ROR2: variants seen among roughly 807,000 people sequenced by gnomAD.
ROR2 encodes the protein tyrosine-protein kinase transmembrane receptor ROR2.
ROR2 carries 33 observed loss-of-function variants against 74.9 expected under a neutral mutation model. That is an observed-to-expected ratio of 0.44 (90% confidence interval 0.33 to 0.59). ROR2 has a LOEUF of 0.59. Ranked by LOEUF, ROR2 falls within the 20% of genes least tolerant of loss-of-function variation. The pLI, the probability that ROR2 is intolerant of heterozygous loss-of-function variation, is 0.02. For synonymous variants in ROR2, 586 were observed against 558.7 expected (o/e 1.05, Z -0.69); for missense variants, 1,216 against 1,313.8 (o/e 0.93, Z 1.15).
chr9:91,789,895 AT>A (rs1161233983), intron 1 of ROR2, among the ~76,000 whole-genome samples: 2 of 152,186 alleles, frequency 1.3e-5, no homozygotes, highest in Non-Finnish European at 2.9e-5. Flanking sequence ...GGCAGAATGG[AT>A]TTAAAAAAAA....
intron 1 of ROR2, among the ~76,000 whole-genome samples, chr9:91,841,078 C>G (rs1043720107): frequency 1.2e-4 from 19 of 152,228 alleles, no homozygotes; most frequent in Admixed American, 1.2e-3. Flanking sequence ...TCACGTGGGT[C>G]CAGTCTCATT....
At chr9:91,868,095 T>C (rs1046183502) in intron 1 of ROR2, among the ~76,000 whole-genome samples, 2 of 152,074 alleles carry the variant, frequency 1.3e-5, no homozygotes, top group African/African-American at 4.8e-5. Context: ...TCAATACAAC[T>C]ATTATAAAAA....
intron 1 of ROR2, among the ~76,000 whole-genome samples, chr9:91,885,105 A>G (rs1050510344): frequency 1.3e-5 from 2 of 152,082 alleles, no homozygotes; most frequent in African/African-American, 4.8e-5. Flanking sequence ...AGCTCTCTCT[A>G]GTTCCCACCT....
At chr9:91,742,461 G>C (rs1421924032) in intron 4 of ROR2, among the ~76,000 whole-genome samples, 2 of 152,194 alleles carry the variant, frequency 1.3e-5, no homozygotes, top group African/African-American at 4.8e-5. Flanking sequence ...AAGATGTGGG[G>C]TATTTCAGGA....
intron 1 of ROR2, among the ~76,000 whole-genome samples, chr9:91,788,591 G>A (rs1016938359): frequency 3.9e-5 from 6 of 152,172 alleles, no homozygotes; most frequent in Middle Eastern, 6.8e-3. Flanking sequence ...CAGGCCAGGC[G>A]TGGTGGCTCA....
intron 1 of ROR2, among the ~76,000 whole-genome samples, chr9:91,882,114 G>C (rs915902863): frequency 2.0e-5 from 3 of 151,930 alleles, no homozygotes; most frequent in Non-Finnish European, 4.4e-5. Flanking sequence ...TCAGTCTATA[G>C]AACTAGCCTA....
chr9:91,739,512 T>TA lies in ROR2; in HGVS notation c.495-1995_495-1994insT, dbSNP rs1450620821. 3.9e-3 allele frequency among the ~76,000 whole-genome samples: 259 copies of TA among 66,446 alleles called. 1 individual carries two copies. Among genetic ancestry groups the TA allele is most frequent in the East Asian group, 6.3e-3 (18 of 2,872 alleles). 43.6% of individuals were successfully genotyped at this position (66,446 alleles called of 152,430 possible). ...CAAGAGCAAGACCCTGTCTTTAAAT[T>TA]TAAAAAAAAAAAAAAAAAAAAAAAA... On this transcript the variant is annotated intron_variant, in intron 4 of 8. Coordinates refer to ENST00000375708, the MANE Select transcript of ROR2 (RefSeq NM_004560.4).
chr9:91,900,311 A>C (rs893057208), intron 1 of ROR2, among the ~76,000 whole-genome samples: 53 of 152,024 alleles, frequency 3.5e-4, no homozygotes, highest in Non-Finnish European at 2.9e-5. Context: ...GGAAGGGCAG[A>C]CGGCAGACGC....
intron 1 of ROR2, among the ~76,000 whole-genome samples, chr9:91,899,845 G>T (rs896398234): frequency 6.6e-6 from 1 of 151,982 alleles, no homozygotes; most frequent in Admixed American, 6.5e-5. Flanking sequence ...GAAACTGGTC[G>T]CAAACACACA....
At chr9:91,837,189 T>C (rs1828635205) in intron 1 of ROR2, among the ~76,000 whole-genome samples, 1 of 152,240 alleles carries the variant, frequency 6.6e-6, no homozygotes, top group Non-Finnish European at 1.5e-5. Flanking sequence ...AGTCTCACTC[T>C]GTCGCCCAAG....
intron 1 of ROR2, among the ~76,000 whole-genome samples, chr9:91,859,197 C>CTTTTTTTTT (rs541283275): frequency 8.2e-6 from 1 of 121,330 alleles, no homozygotes; most frequent in African/African-American, 3.6e-5. Context: ...GAAAGTATTC[C>CTTTTTTTTT]TTTTTTTTTT....
At chr9:91,808,301 A>G (rs10992117) in intron 1 of ROR2, among the ~76,000 whole-genome samples, 19,988 of 152,200 alleles carry the variant, frequency 0.13, 2,436 homozygotes, top group East Asian at 0.31. Context: ...TGAGAAACAT[A>G]AGGTGGCATT....
intron 1 of ROR2, among the ~76,000 whole-genome samples, chr9:91,796,436 G>GGAA (rs1316230299): frequency 2.2e-4 from 19 of 87,702 alleles, no homozygotes; most frequent in African/African-American, 6.6e-4. Context: ...TTGTCCCAAG[G>GGAA]AAAAAAAAAA....
At chr9:91,744,543 CTGAA>C (rs1056655469) in intron 4 of ROR2, among the ~76,000 whole-genome samples, 4 of 152,066 alleles carry the variant, frequency 2.6e-5, no homozygotes, top group Non-Finnish European at 2.9e-5. Flanking sequence ...AATGTGTTAA[CTGAA>C]TGAATGATTT....
chr9:91,893,386 G>C (rs1667406972), intron 1 of ROR2, among the ~76,000 whole-genome samples: 2 of 152,000 alleles, frequency 1.3e-5, no homozygotes, highest in South Asian at 4.1e-4. Context: ...GTTGCAGTGA[G>C]CCAAGATCAT....
At chr9:91,770,642 CT>C (rs1324659175) in intron 2 of ROR2, among the ~76,000 whole-genome samples, 1 of 152,216 alleles carries the variant, frequency 6.6e-6, no homozygotes, top group East Asian at 1.9e-4. Context: ...TGAAAAGTAA[CT>C]TTCTGTGGGG....
intron 2 of ROR2, among the ~76,000 whole-genome samples, chr9:91,768,077 C>T (rs763954759): frequency 6.6e-6 from 1 of 152,190 alleles, no homozygotes; most frequent in African/African-American, 2.4e-5. Context: ...GATGCCGCCA[C>T]AGCCACAGAG....
intron 1 of ROR2, among the ~76,000 whole-genome samples, chr9:91,806,514 G>T (rs2119080899): frequency 6.6e-6 from 1 of 152,306 alleles, no homozygotes; most frequent in African/African-American, 2.4e-5. Flanking sequence ...GACCATGGCA[G>T]GGGGCAACAG....
intron 1 of ROR2, among the ~76,000 whole-genome samples, chr9:91,791,763 G>A (rs1564278979): frequency 6.6e-6 from 1 of 151,716 alleles, no homozygotes; most frequent in Non-Finnish European, 1.5e-5. Flanking sequence ...CTCGACCCAA[G>A]TGCAGAATGT....
Sources: allele counts gnomAD v4.1 joint callset (sites outside exome capture counted in the v4.1 genomes callset), GRCh38; gene constraint gnomAD v4.1.1; transcripts MANE v1.5; gene names NCBI Gene and HGNC (gene_info 2026-07-23, HGNC 2026-07-21).